The following ITLN1 variants were observed in gnomAD, a reference collection of about 807,000 sequenced individuals.
ITLN1 encodes the protein intelectin 1.
A neutral mutation model predicts 36.2 loss-of-function variants in ITLN1; 29 were observed. The ratio of observed to expected loss-of-function variants is 0.80; its 90% CI spans 0.60 to 1.09. The LOEUF is 1.09. Ranked by LOEUF, ITLN1 falls within the 50% of genes least tolerant of loss-of-function variation. The probability of loss-of-function intolerance (pLI) is 0.00; values close to 1 mark genes in which losing one functional copy is unlikely to be tolerated. For missense variants in ITLN1, 358 were observed against 405.2 expected (o/e 0.88, Z 1.00); for synonymous variants, 143 against 146.5 (o/e 0.98, Z 0.17).
intron 3 of ITLN1, 56 bp from the exon 4 acceptor site, chr1:160,882,260 G>T (rs1405342388): frequency 6.6e-7 from 1 of 1,520,088 alleles, no homozygotes; most frequent in Non-Finnish European, 8.8e-7. Context: ...GTTCATTTCA[G>T]CCCCATGACA....
intron 7 of ITLN1, among the ~76,000 whole-genome samples, chr1:160,878,777 C>T (rs140604812): frequency 0.014 from 2,081 of 152,188 alleles, 49 homozygotes; most frequent in African/African-American, 0.045. Flanking sequence ...ATTCAGGATT[C>T]CTGAGCCTTA....
chr1:160,879,502 C>T lies in ITLN1; in HGVS notation c.686-88G>A, dbSNP rs1323211451. On this transcript the variant is annotated intron_variant, in intron 6 of 7. Transcript: ENST00000326245. ...AGCCCAGAGGCTCTCGATGCCAAAGCTCAGGCTACAGCCCAACACTCCAGC... is the reference window on the plus strand; with the variant it reads ...AGCCCAGAGGCTCTCGATGCCAAAGTTCAGGCTACAGCCCAACACTCCAGC... The T allele has an allele frequency of 1.0e-5, 10 of 985,858 alleles. No individual in the cohort carries two copies. The African/African-American group carries it at 1.6e-4, about 16-fold the overall frequency. The allele number at this position is 985,858 out of a possible 1,614,324, so 61.1% of individuals were successfully genotyped here. A position where few individuals can be genotyped will look rare whatever the true frequency, so the allele number is the denominator to read the frequency against.
chr1:160,884,341 A>G (rs997640684), intron 2 of ITLN1, among the ~76,000 whole-genome samples: 4 of 152,032 alleles, frequency 2.6e-5, no homozygotes, highest in Non-Finnish European at 5.9e-5. Context: ...CCTAAAACAC[A>G]GTTAATAAAC....
Position 160,882,012 on chromosome 1 carries a change from C to G in ITLN1, c.350G>C (p.Trp117Ser). The G allele has an allele frequency of 6.2e-7, 1 of 1,614,090 alleles. No individual in the cohort carries two copies. The highest frequency in any genetic ancestry group is 1.1e-5 in the South Asian group (1 of 91,080). ...AGATCCAAAGGTGTTGTAGTTGGCC[C>G]AGTTGCCGTCCCCCTCTGGGTAGAC... ...KAVYPEGDGN[W>S]ANYNTFGSAE... The change falls in exon 4 of 8, where the codon TGG becomes TCG. Residue 117 changes from tryptophan (W) to serine (S), a missense_variant. Trp to Ser is a radical substitution (Grantham distance 177). Coordinates refer to ENST00000326245, the MANE Select transcript of ITLN1 (RefSeq NM_017625.3).
At chr1:160,883,131 G>T (rs959612639) in intron 3 of ITLN1, among the ~76,000 whole-genome samples, 1 of 152,122 alleles carries the variant, frequency 6.6e-6, no homozygotes, top group African/African-American at 2.4e-5. Context: ...GCCTCCTAAA[G>T]TGCTGGGATT....
intron 4 of ITLN1, among the ~76,000 whole-genome samples, 153 bp downstream of exon 4, chr1:160,881,804 G>GAAA (rs56380748): frequency 7.5e-4 from 94 of 125,282 alleles, no homozygotes; most frequent in African/African-American, 2.6e-3. Flanking sequence ...TCCGTCTCAA[G>GAAA]AAAAAAAAAA....
chr1:160,876,906 G>A, intron 7 of ITLN1, 90 bp from the exon 8 acceptor site: 1 of 1,309,748 alleles, frequency 7.6e-7, no homozygotes, highest in Non-Finnish European at 1.1e-6. Context: ...GATTTCTTTG[G>A]TCCTCATCAG....
chr1:160,878,932 C>T (rs1409300518), intron 7 of ITLN1, among the ~76,000 whole-genome samples: 2 of 152,070 alleles, frequency 1.3e-5, no homozygotes, highest in Non-Finnish European at 2.9e-5. Flanking sequence ...GAAATATAAA[C>T]CTCAGATGAA....
At chr1:160,876,954 A>C in intron 7 of ITLN1, 138 bp from the exon 8 acceptor site, 1 of 902,990 alleles carries the variant, frequency 1.1e-6, no homozygotes, top group East Asian at 2.7e-5. Flanking sequence ...CTTCCCATAA[A>C]AACCTCTCTT....
chr1:160,881,865 A>ATCCAGCCCAT, intron 4 of ITLN1, 92 bp downstream of exon 4: 2 of 1,531,916 alleles, frequency 1.3e-6, no homozygotes, highest in South Asian at 1.1e-5. Context: ...CCCATCCCAC[A>ATCCAGCCCAT]CCCCTACCTT....
At position 160,880,722 on chromosome 1, in the gene ITLN1, A is replaced by AG. The variant is rs1670661620; in HGVS notation, c.565-15dup. 6.2e-7 allele frequency: 1 copy of AG among 1,613,994 alleles called. No homozygotes were observed. The highest frequency in any genetic ancestry group is 1.7e-5 in the Admixed American group (1 of 59,990). ...CACTGGATATTTCTACAAAGAACAC[A>AG]GAAAAAGTCATGGAGTAAAGACAAT... On this transcript the variant is annotated splice_polypyrimidine_tract_variant and intron_variant, in intron 5 of 7. Transcript: ENST00000326245.
intron 3 of ITLN1, 42 bp downstream of exon 3, chr1:160,883,386 T>A: frequency 1.5e-6 from 2 of 1,368,444 alleles, no homozygotes; most frequent in Non-Finnish European, 2.1e-6. Flanking sequence ...GACACAATCC[T>A]GATACCCTGA....
At chr1:160,884,602 A>G in intron 2 of ITLN1, among the ~76,000 whole-genome samples, 1 of 152,126 alleles carries the variant, frequency 6.6e-6, no homozygotes, top group East Asian at 1.9e-4. Flanking sequence ...CAGCCCCCTC[A>G]GGGCCACACA....
chr1:160,879,478 GC>G, intron 6 of ITLN1, 64 bp from the exon 7 acceptor site: 1 of 1,283,028 alleles, frequency 7.8e-7, no homozygotes, highest in Non-Finnish European at 1.1e-6. Flanking sequence ...CCTTAGGCCA[GC>G]CCAGAGGCTC....
rs777191678 is a variant in ITLN1, at chr1:160,882,197, C to T, written c.165G>A (p.Leu55=). ...CACCATTCTCAGTGCGGAGAAAATACAGGCCATCTGTAGAGAGAACCAGCC... is the reference window on the plus strand; with the variant it reads ...CACCATTCTCAGTGCGGAGAAAATATAGGCCATCTGTAGAGAGAACCAGCC... ...KDECPSAFDG[L]YFLRTENGVI... Residue 55 remains leucine (L), a synonymous_variant, in exon 4 of 8, where the codon CTG becomes CTA. Transcript: ENST00000326245. 11 of 1,575,990 alleles carry T rather than the reference C, an allele frequency of 7.0e-6. No individual in the cohort carries two copies. In the South Asian group the frequency reaches 1.3e-4, roughly 19 times the overall value.
chr1:160,881,272 A>G lies in ITLN1; in HGVS notation c.446T>C (p.Ile149Thr). Residue 149 changes from isoleucine (I) to threonine (T), a missense_variant, in exon 5 of 8, where the codon ATC (isoleucine) becomes ACC (threonine). Transcript: ENST00000326245. Reference protein sequence around the residue: ...YYDIQAKDLGIWHVPNKSPMQ... With the variant: ...YYDIQAKDLGTWHVPNKSPMQ... ...GGGGGACTTATTGGGCACGTGCCAG[A>G]TGCCCAGGTCCTTGGCCTGGATGTC... The G allele has an allele frequency of 6.2e-7, 1 of 1,611,256 alleles. No homozygotes were observed. The highest frequency in any genetic ancestry group is 1.1e-5 in the South Asian group (1 of 90,658).
In ITLN1 at chr1:160,880,705, A is replaced by G; in HGVS notation, c.568T>C (p.Tyr190His). Residue 190 changes from tyrosine (Y) to histidine (H), a missense_variant, in exon 6 of 8, where the codon TAT becomes CAT. Tyr to His is a moderately conservative substitution (Grantham distance 83). Coordinates refer to ENST00000326245, the MANE Select transcript of ITLN1 (RefSeq NM_017625.3). ...GHNLFGIYQK[Y>H]PVKYGEGKCW... ...TTTCCTTCTCCATATTTCACTGGAT[A>G]TTTCTACAAAGAACACAGAAAAAGT... 1 of 1,614,088 alleles carries G rather than the reference A, an allele frequency of 6.2e-7. No individual in the cohort carries two copies. The highest frequency in any genetic ancestry group is 8.5e-7 in the Non-Finnish European group (1 of 1,179,992).
chr1:160,881,223 G>A lies in ITLN1; in HGVS notation c.495C>T (p.Ser165=), dbSNP rs267598129. Reference sequence around the variant, plus strand: ...CAGTGTCCGTGCGGTACCTCAGCAGGGAGCTGTTTCTCCAGTGCTGCATGG... The same window carrying A: ...CAGTGTCCGTGCGGTACCTCAGCAGAGAGCTGTTTCTCCAGTGCTGCATGG... ...KSPMQHWRNS[S]LLRYRTDTGF... The change falls in exon 5 of 8, where the codon TCC becomes TCT. Residue 165 remains serine, a synonymous_variant. Transcript: ENST00000326245. 1.2e-6 allele frequency: 2 copies of A among 1,613,642 alleles called. No individual in the cohort carries two copies. The highest frequency in any genetic ancestry group is 2.7e-5 in the African/African-American group (2 of 74,922).
intron 5 of ITLN1, among the ~76,000 whole-genome samples, 178 bp from the exon 6 acceptor site, chr1:160,880,886 G>T (rs1021683153): frequency 6.6e-6 from 1 of 152,172 alleles, no homozygotes; most frequent in African/African-American, 2.4e-5. Context: ...GGCGAGAGCT[G>T]TGCTTCTGCG....
Sources: allele counts gnomAD v4.1 joint callset (sites outside exome capture counted in the v4.1 genomes callset), GRCh38; gene constraint gnomAD v4.1.1; transcripts MANE v1.5; gene names NCBI Gene and HGNC (gene_info 2026-07-23, HGNC 2026-07-21).